The following SNX25 variants were observed in gnomAD, a reference collection of about 807,000 sequenced individuals.
The protein encoded by SNX25 is sorting nexin 25.
A neutral mutation model predicts 113.7 loss-of-function variants in SNX25; 62 were observed. The observed-to-expected ratio is 0.55, with a 90% CI of 0.44 to 0.67. SNX25 has a LOEUF of 0.67. SNX25 is among the 30% of genes least tolerant of loss of function. The probability of loss-of-function intolerance (pLI) is 0.00; values close to 1 mark genes in which losing one functional copy is unlikely to be tolerated. For missense variants in SNX25, 1,014 were observed against 1,161.0 expected (o/e 0.87, Z 1.84); for synonymous variants, 421 against 436.2 (o/e 0.97, Z 0.43).
rs779536739 is a variant in SNX25 at position 185,258,950 on chromosome 4, T to C, written c.617T>C (p.Ile206Thr). The change falls in exon 3 of 19, where the codon ATT becomes ACT. Residue 206 changes from isoleucine to threonine, a missense_variant. Transcript: ENST00000652585. Reference protein sequence around the residue: ...YHLLLEDFWEIARQLHHRLSH... With the variant: ...YHLLLEDFWETARQLHHRLSH... ...CTGCTCTTGGAAGACTTTTGGGAAA[T>C]TGCCAGACAGCTGCACCACAGACTG... 4 of 1,614,022 alleles carry C rather than the reference T, an allele frequency of 2.5e-6. No individual in the cohort carries two copies. The highest frequency in any genetic ancestry group is 2.2e-5 in the East Asian group (1 of 44,892).
intron 1 of SNX25, among the ~76,000 whole-genome samples, chr4:185,236,295 T>A (rs1742625593): frequency 6.6e-6 from 1 of 152,042 alleles, no homozygotes; most frequent in Admixed American, 6.6e-5. Context: ...CCCAGGAGTT[T>A]GAGGCTGTAG....
downstream of SNX25, chr4:185,372,940 C>T (rs748366572): frequency 6.2e-6 from 10 of 1,613,822 alleles, no homozygotes; most frequent in African/African-American, 4.0e-5. Context: ...GACGTTTCCG[C>T]GTTCTGCTGC....
chr4:185,239,845 A>G (rs866208584), intron 1 of SNX25, among the ~76,000 whole-genome samples: 2 of 147,044 alleles, frequency 1.4e-5, no homozygotes, highest in African/African-American at 2.5e-5. Context: ...TCACAGGACA[A>G]TAGTGGAGGG....
chr4:185,327,959 G>A (rs2095168399), intron 9 of SNX25, among the ~76,000 whole-genome samples: 1 of 152,196 alleles, frequency 6.6e-6, no homozygotes, highest in Admixed American at 6.5e-5. Flanking sequence ...TATGCTGGCA[G>A]TTCTTAAGAC....
intron 2 of SNX25, among the ~76,000 whole-genome samples, chr4:185,256,963 C>A (rs1424897198): frequency 6.6e-6 from 1 of 151,784 alleles, no homozygotes; most frequent in Non-Finnish European, 1.5e-5. Flanking sequence ...TGTGTAGTGG[C>A]CAAGATGTAT....
At chr4:185,231,055 C>T (rs539962076) in intron 1 of SNX25, among the ~76,000 whole-genome samples, 8 of 151,700 alleles carry the variant, frequency 5.3e-5, no homozygotes, top group Admixed American at 6.6e-5. Context: ...GAATGGCTGT[C>T]GCACAAAGGC....
intron 6 of SNX25, among the ~76,000 whole-genome samples, chr4:185,306,346 G>A (rs1484936840): frequency 1.3e-5 from 2 of 152,234 alleles, no homozygotes; most frequent in South Asian, 2.1e-4. Context: ...AACAAGCTTT[G>A]TGATCAGACA....
chr4:185,243,570 C>T (rs1337061666), intron 1 of SNX25, among the ~76,000 whole-genome samples: 1 of 152,152 alleles, frequency 6.6e-6, no homozygotes. Flanking sequence ...CCACTGTACT[C>T]CAGCCTGGGT....
chr4:185,337,078 A>G (rs2095234950), intron 10 of SNX25, among the ~76,000 whole-genome samples: 1 of 152,084 alleles, frequency 6.6e-6, no homozygotes, highest in South Asian at 2.1e-4. Flanking sequence ...TGTTGGATGT[A>G]TAGATCATGA....
chr4:185,332,623 C>T lies in SNX25; in HGVS notation c.1778C>T (p.Ala593Val). 1 of 1,613,420 alleles carries T rather than the reference C, an allele frequency of 6.2e-7. No homozygotes were observed. The highest frequency in any genetic ancestry group is 8.5e-7 in the Non-Finnish European group (1 of 1,179,664). ...CCAAGAGATGAGGCTGGTGAGGAAG[C>T]CGTGGATGATGGTACCAATCAGATC... ...MGPRDEAGEEAVDDGTNQINE... is the reference protein window; with the variant it reads ...MGPRDEAGEEVVDDGTNQINE... The change falls in exon 10 of 19, where the codon GCC (alanine) becomes GTC (valine). Residue 593 changes from alanine to valine, a missense_variant. Coordinates refer to ENST00000652585, the MANE Select transcript of SNX25 (RefSeq NM_001378034.2).
intron 16 of SNX25, among the ~76,000 whole-genome samples, chr4:185,359,038 T>C (rs1241247342): frequency 6.6e-6 from 1 of 152,172 alleles, no homozygotes. Context: ...AAAGTTTACT[T>C]CTACTTAAGA....
chr4:185,346,531 C>G lies in SNX25; in HGVS notation c.2188-6C>G, dbSNP rs775617826. On this transcript the variant is annotated splice_polypyrimidine_tract_variant and splice_region_variant and intron_variant, in intron 12 of 18. Transcript: ENST00000652585. ...AATACTAACATTTCATTTTTTCCCC[C>G]CACAGTGCGTCCCTTCTTTAAAAAA... 1.9e-6 allele frequency: 3 copies of G among 1,550,732 alleles called. No homozygotes were observed. In the South Asian group the frequency reaches 3.6e-5, roughly 19 times the overall value.
intron 1 of SNX25, among the ~76,000 whole-genome samples, chr4:185,225,116 TTC>T (rs1368124247): frequency 6.6e-6 from 1 of 150,866 alleles, no homozygotes; most frequent in Non-Finnish European, 1.5e-5. Context: ...ATTCTATGTC[TTC>T]TTTTTTTTTT....
chr4:185,343,574 G>A (rs1488495956), intron 12 of SNX25, among the ~76,000 whole-genome samples: 1 of 152,184 alleles, frequency 6.6e-6, no homozygotes, highest in Non-Finnish European at 1.5e-5. Context: ...CATAGGACAT[G>A]TACATAGTGG....
At chr4:185,318,546 A>G (rs1201541498) in intron 7 of SNX25, among the ~76,000 whole-genome samples, 2 of 152,296 alleles carry the variant, frequency 1.3e-5, no homozygotes, top group East Asian at 3.9e-4. Context: ...AGATTTTTTT[A>G]ATGAATATGG....
At chr4:185,295,933 T>TA (rs1740087440) in intron 6 of SNX25, 1 of 152,172 alleles carries the variant, frequency 6.6e-6, no homozygotes, top group African/African-American at 2.4e-5. Flanking sequence ...TATGACAAAA[T>TA]ACCACAAACT....
intron 1 of SNX25, among the ~76,000 whole-genome samples, chr4:185,211,630 G>T (rs1434887080): frequency 1.3e-5 from 2 of 152,176 alleles, no homozygotes; most frequent in Admixed American, 6.5e-5. Context: ...TGGAAGCTGA[G>T]TTTGAATCAA....
chr4:185,304,915 A>G (rs114851049), intron 6 of SNX25, among the ~76,000 whole-genome samples: 1,585 of 152,268 alleles, frequency 0.01, 29 homozygotes, highest in African/African-American at 0.035. Flanking sequence ...GATTGCCTGC[A>G]TTTCACGAGA....
Position 185,361,845 on chromosome 4 carries a change from TCGTATTGATAAGTGCCTTTTGAGAATAG to T in SNX25, c.2652-78_2652-51del. 2.2e-6 allele frequency: 3 copies of T among 1,378,398 alleles called. No homozygotes were observed. The Admixed American group carries it at 5.7e-5, about 26-fold the overall frequency. 85.4% of individuals were successfully genotyped at this position (1,378,398 alleles called of 1,614,324 possible). A position where few individuals can be genotyped will look rare whatever the true frequency, so the allele number is the denominator to read the frequency against. ...CTTAGATCAGGCTGTATCTTAACCTTCGTATTGATAAGTGCCTTTTGAGAATAGAGTACACAATTTTTAAAAACCTCAT... is the reference window on the plus strand; with the variant it reads ...CTTAGATCAGGCTGTATCTTAACCTTAGTACACAATTTTTAAAAACCTCAT... On this transcript the variant is annotated intron_variant, in intron 16 of 18. Coordinates refer to ENST00000652585, the MANE Select transcript of SNX25 (RefSeq NM_001378034.2).
Sources: allele counts gnomAD v4.1 joint callset (sites outside exome capture counted in the v4.1 genomes callset), GRCh38; gene constraint gnomAD v4.1.1; transcripts MANE v1.5; gene names NCBI Gene and HGNC (gene_info 2026-07-23, HGNC 2026-07-21).